TNFRSF10B: variants seen among roughly 807,000 people sequenced by gnomAD.
TNFRSF10B encodes the protein tumor necrosis factor receptor superfamily member 10B.
Under a neutral mutation model 41.4 loss-of-function variants are expected in TNFRSF10B, and 35 were observed. That is an observed-to-expected ratio of 0.85 (90% CI 0.65 to 1.12). TNFRSF10B has a LOEUF of 1.12. TNFRSF10B is among the 50% of genes most tolerant of loss of function. TNFRSF10B has a pLI of 0.00. For missense variants in TNFRSF10B, 584 were observed against 552.7 expected (o/e 1.06, Z -0.57); for synonymous variants, 230 against 215.5 (o/e 1.07, Z -0.59).
intron 2 of TNFRSF10B, among the ~76,000 whole-genome samples, chr8:23,041,495 G>A (rs548833600): frequency 1.5e-4 from 23 of 151,586 alleles, no homozygotes; most frequent in African/African-American, 2.9e-4. Flanking sequence ...TCCTGCCACC[G>A]CACTCCAGCC....
At chr8:23,051,786 G>A (rs1040595840) in intron 1 of TNFRSF10B, among the ~76,000 whole-genome samples, 7 of 152,068 alleles carry the variant, frequency 4.6e-5, no homozygotes, top group African/African-American at 1.4e-4. Flanking sequence ...CTTCTGATCC[G>A]CCCACCTCGG....
At position 23,035,142 on chromosome 8, in the gene TNFRSF10B, TA is replaced by T. The variant is rs113518161; in HGVS notation, c.251-4271del. Among the ~76,000 whole-genome samples the T allele has an allele frequency of 8.8e-3, 1,339 of 151,912 alleles. 20 individuals are homozygous for T. Among genetic ancestry groups the T allele is most frequent in the African/African-American group, 0.029 (1,198 of 41,390 alleles). On this transcript the variant is annotated intron_variant, in intron 2 of 8. Coordinates refer to ENST00000276431, the MANE Select transcript of TNFRSF10B (RefSeq NM_003842.5). Reference sequence around the variant, plus strand: ...CCTATGTCATAATTTAGTTTGCAGGTATTTTTTTTTTTTTAATTAAACAGAG... The same window carrying T: ...CCTATGTCATAATTTAGTTTGCAGGTTTTTTTTTTTTTTAATTAAACAGAG...
chr8:23,025,658 A>G (rs1447980904), intron 7 of TNFRSF10B, among the ~76,000 whole-genome samples: 1 of 152,230 alleles, frequency 6.6e-6, no homozygotes, highest in Non-Finnish European at 1.5e-5. Context: ...ATCACAAGAA[A>G]TTATCCACTG....
At chr8:23,032,471 A>ACT (rs941724519) in intron 2 of TNFRSF10B, among the ~76,000 whole-genome samples, 13 of 152,248 alleles carry the variant, frequency 8.5e-5, no homozygotes, top group African/African-American at 3.1e-4. Flanking sequence ...AGTCCCGCCA[A>ACT]CTCTGCTTTT....
rs761921231 is a variant in TNFRSF10B, at chr8:23,021,353, T to A, written c.*1318A>T. 5 of 453,994 alleles carry A rather than the reference T, an allele frequency of 1.1e-5. No homozygotes were observed. Among genetic ancestry groups the A allele is most frequent in the Non-Finnish European group, 2.2e-5 (5 of 226,800 alleles). The allele number at this position is 453,994 out of a possible 1,614,324, so 28.1% of individuals were successfully genotyped here. ...AATCTGTACCCTAAAAGGCAGCTCATGGGCTCAGGGTGACAGATAACCAGA... is the reference window on the plus strand; with the variant it reads ...AATCTGTACCCTAAAAGGCAGCTCAAGGGCTCAGGGTGACAGATAACCAGA... On this transcript the variant is annotated 3_prime_UTR_variant, in exon 9 of 9. Coordinates refer to ENST00000276431, the MANE Select transcript of TNFRSF10B (RefSeq NM_003842.5).
Position 23,068,748 on chromosome 8 carries a change from C to A in TNFRSF10B, c.144+3G>T. On this transcript the variant is annotated splice_donor_region_variant and intron_variant, in intron 1 of 8. Coordinates refer to ENST00000276431, the MANE Select transcript of TNFRSF10B (RefSeq NM_003842.5). ...CCAGCCAGGGACCGCGGCGGGGACT[C>A]ACCAACAGCAGGACCGCGGCGACAA... 1 of 1,577,664 alleles carries A rather than the reference C, an allele frequency of 6.3e-7. No individual in the cohort carries two copies.
rs201068780 is a variant in TNFRSF10B at position 23,022,940 on chromosome 8, C to T, written c.1054G>A (p.Asp352Asn). Residue 352 changes from aspartate (D) to asparagine (N), a missense_variant, in exon 9 of 9, where the codon GAC becomes AAC. Transcript: ENST00000276431. Reference sequence around the variant, plus strand: ...TTCCTCATGAGCGGCTCCCAGGAGTCAAAGGGCACCAAGTCTGCAAAGTCA... The same window carrying T: ...TTCCTCATGAGCGGCTCCCAGGAGTTAAAGGGCACCAAGTCTGCAAAGTCA... ...FDDFADLVPFDSWEPLMRKLG... is the reference protein window; with the variant it reads ...FDDFADLVPFNSWEPLMRKLG... The T allele has an allele frequency of 4.7e-5, 76 of 1,613,774 alleles. No individual in the cohort carries two copies. The African/African-American group carries it at 9.7e-4, about 21-fold the overall frequency.
At chr8:23,035,246 A>G (rs1811998868) in intron 2 of TNFRSF10B, among the ~76,000 whole-genome samples, 1 of 151,844 alleles carries the variant, frequency 6.6e-6, no homozygotes, top group Admixed American at 6.6e-5. Flanking sequence ...GGTTCAAGCG[A>G]TTCTCATGCC....
intron 1 of TNFRSF10B, among the ~76,000 whole-genome samples, chr8:23,059,536 T>C (rs1207336378): frequency 1.3e-5 from 2 of 152,038 alleles, no homozygotes; most frequent in East Asian, 1.9e-4. Context: ...AGACAGAGTC[T>C]CGTTCTGTCG....
intron 1 of TNFRSF10B, 103 bp downstream of exon 1, chr8:23,068,648 A>G: frequency 6.8e-7 from 1 of 1,473,146 alleles, no homozygotes; most frequent in Non-Finnish European, 9.0e-7. Context: ...GCCCGGCCGC[A>G]GGCGACCCGG....
intron 2 of TNFRSF10B, among the ~76,000 whole-genome samples, chr8:23,031,108 C>T (rs113412539): frequency 0.021 from 3,134 of 152,358 alleles, 105 homozygotes; most frequent in African/African-American, 0.07. Context: ...CGTAGTCTCA[C>T]TCTGTCACCC....
intron 1 of TNFRSF10B, among the ~76,000 whole-genome samples, chr8:23,067,375 C>G (rs1359735788): frequency 6.6e-6 from 1 of 151,888 alleles, no homozygotes; most frequent in Non-Finnish European, 1.5e-5. Flanking sequence ...GCTTTCTTTA[C>G]AGAAAAATCT....
chr8:23,028,435 A>T lies in TNFRSF10B; in HGVS notation c.644T>A (p.Ile215Asn), dbSNP rs1257771162. Residue 215 changes from isoleucine to asparagine, a missense_variant, in exon 5 of 9, where the codon ATC becomes AAC. Physicochemically the swap from Ile to Asn is moderately radical, Grantham distance 149. Coordinates refer to ENST00000276431, the MANE Select transcript of TNFRSF10B (RefSeq NM_003842.5). ...TACGGCTGCAACTGTGACTCCTATG[A>T]TGATGCCTGAGAGAGAACAGGGAGA... ...PASPCSLSGIIIGVTVAAVVL... is the reference protein window; with the variant it reads ...PASPCSLSGINIGVTVAAVVL... The T allele has an allele frequency of 6.2e-7, 1 of 1,614,200 alleles. No homozygotes were observed. Among genetic ancestry groups the T allele is most frequent in the Admixed American group, 1.7e-5 (1 of 60,028 alleles).
intron 2 of TNFRSF10B, 36 bp downstream of exon 2, chr8:23,043,102 G>T (rs1396386263): frequency 6.3e-7 from 1 of 1,580,116 alleles, no homozygotes; most frequent in South Asian, 1.1e-5. Flanking sequence ...GACAAGGGGA[G>T]GAGGGGCAAG....
At chr8:23,024,514 T>C (rs931249496) in intron 7 of TNFRSF10B, among the ~76,000 whole-genome samples, 8 of 149,496 alleles carry the variant, frequency 5.4e-5, no homozygotes, top group Non-Finnish European at 1.0e-4. Context: ...AAAGTGAATA[T>C]GTCTTGATGA....
intron 2 of TNFRSF10B, among the ~76,000 whole-genome samples, chr8:23,041,061 GTT>G (rs1491068894): frequency 2.5e-5 from 1 of 40,094 alleles, no homozygotes; most frequent in South Asian, 8.8e-4. Context: ...TTTTTTTTTT[GTT>G]GTTTTTTTTT....
chr8:23,030,504 G>T (rs1811848274), intron 3 of TNFRSF10B, among the ~76,000 whole-genome samples: 1 of 151,948 alleles, frequency 6.6e-6, no homozygotes, highest in Non-Finnish European at 1.5e-5. Flanking sequence ...TAGAGACGGG[G>T]TTTCTCATGT....
At chr8:23,049,760 T>A (rs1812466232) in intron 1 of TNFRSF10B, 1 of 152,058 alleles carries the variant, frequency 6.6e-6, no homozygotes, top group Non-Finnish European at 1.5e-5. Context: ...ATCTCATTAT[T>A]GGGCAGTGAG....
In TNFRSF10B at chr8:23,022,865, C is replaced by G; in HGVS notation, c.1129G>C (p.Gly377Arg). 1 of 1,614,096 alleles carries G rather than the reference C, an allele frequency of 6.2e-7. No individual in the cohort carries two copies. Among genetic ancestry groups the G allele is most frequent in the Non-Finnish European group, 8.5e-7 (1 of 1,180,018 alleles). Reference protein sequence around the residue: ...EIKVAKAEAAGHRDTLYTMLI... With the variant: ...EIKVAKAEAARHRDTLYTMLI... ...ATCGTGTACAAGGTGTCCCTGTGGC[C>G]CGCTGCCTCAGCTTTAGCCACCTTT... The change falls in exon 9 of 9, where the codon GGC becomes CGC. Residue 377 changes from glycine to arginine, a missense_variant. Physicochemically the swap from Gly to Arg is moderately radical, Grantham distance 125. Coordinates refer to ENST00000276431, the MANE Select transcript of TNFRSF10B (RefSeq NM_003842.5).
Sources: allele counts gnomAD v4.1 joint callset (sites outside exome capture counted in the v4.1 genomes callset), GRCh38; gene constraint gnomAD v4.1.1; transcripts MANE v1.5; gene names NCBI Gene and HGNC (gene_info 2026-07-23, HGNC 2026-07-21).